IRS1: variants seen among roughly 807,000 people sequenced by gnomAD.
The protein encoded by IRS1 is insulin receptor substrate 1.
Under a neutral mutation model 65.6 loss-of-function variants are expected in IRS1, and 34 were observed. The ratio of observed to expected loss-of-function variants is 0.52; its 90% CI spans 0.39 to 0.69. IRS1 has a LOEUF of 0.69. IRS1 is among the 30% of genes least tolerant of loss of function. The probability of loss-of-function intolerance (pLI) is 0.00; values close to 1 mark genes in which losing one functional copy is unlikely to be tolerated. For synonymous variants in IRS1, 699 were observed against 683.5 expected, an observed-to-expected ratio of 1.02 and a Z score of -0.35; for missense variants, 1,641 against 1,720.2, an observed-to-expected ratio of 0.95 and a Z score of 0.81.
intron 1 of IRS1, among the ~76,000 whole-genome samples, chr2:226,774,013 G>A (rs1263673423): frequency 6.6e-6 from 1 of 152,116 alleles, no homozygotes; most frequent in Non-Finnish European, 1.5e-5. Flanking sequence ...TATGATCCCA[G>A]AGATAATTCC....
chr2:226,780,618 A>T (rs1939361572), intron 1 of IRS1, among the ~76,000 whole-genome samples: 1 of 152,198 alleles, frequency 6.6e-6, no homozygotes, highest in South Asian at 2.1e-4. Flanking sequence ...AAATCTTGTC[A>T]AAACAAAGCA....
At chr2:226,772,904 A>G (rs1939191960) in intron 1 of IRS1, among the ~76,000 whole-genome samples, 1 of 152,200 alleles carries the variant, frequency 6.6e-6, no homozygotes, top group Non-Finnish European at 1.5e-5. Flanking sequence ...TTCCCAAAAT[A>G]GCATCTTCTG....
At chr2:226,743,525 C>T (rs1366835196) in intron 1 of IRS1, among the ~76,000 whole-genome samples, 1 of 152,192 alleles carries the variant, frequency 6.6e-6, no homozygotes, top group Non-Finnish European at 1.5e-5. Context: ...CCATCGTGCT[C>T]AGCCAGGAAG....
At chr2:226,777,502 T>A (rs1276659069) in intron 1 of IRS1, among the ~76,000 whole-genome samples, 1 of 152,200 alleles carries the variant, frequency 6.6e-6, no homozygotes, top group Non-Finnish European at 1.5e-5. Context: ...AGTTAGATGA[T>A]GGAAAATTTC....
intron 1 of IRS1, among the ~76,000 whole-genome samples, chr2:226,787,347 C>A (rs142051864): frequency 6.6e-6 from 1 of 152,230 alleles, no homozygotes; most frequent in African/African-American, 2.4e-5. Flanking sequence ...AAATACAAAC[C>A]TTTAAGCTAG....
chr2:226,799,365 T>TTGCTGCTGCTGC lies in IRS1; in HGVS notation c.-639_-628dup. On this transcript the variant is annotated 5_prime_UTR_variant, in exon 1 of 2. Coordinates refer to ENST00000305123, the MANE Select transcript of IRS1 (RefSeq NM_005544.3). The surrounding 1 kb of genome is among the most constrained non-coding windows in gnomAD (Gnocchi z 6.1). ...GACCGCGGCGCTGCGGCTGTTGCTG[T>TTGCTGCTGCTGC]TGCTGCTGCTGCTGCTGCTGCTGCT... 4.0e-6 allele frequency: 5 copies of TTGCTGCTGCTGC among 1,239,802 alleles called. No individual in the cohort carries two copies. Among genetic ancestry groups the TTGCTGCTGCTGC allele is most frequent in the South Asian group, 2.8e-5 (2 of 71,478 alleles). 76.8% of individuals were successfully genotyped at this position (1,239,802 alleles called of 1,614,324 possible). A position where few individuals can be genotyped will look rare whatever the true frequency, so the allele number is the denominator to read the frequency against.
intron 1 of IRS1, among the ~76,000 whole-genome samples, chr2:226,759,297 G>A (rs16822615): frequency 0.079 from 11,988 of 152,268 alleles, 823 homozygotes; most frequent in African/African-American, 0.19. Context: ...AAAACGTTTA[G>A]TCTGGAGAAA....
intron 1 of IRS1, among the ~76,000 whole-genome samples, chr2:226,773,344 T>C (rs1202337548): frequency 3.3e-5 from 5 of 152,154 alleles, no homozygotes; most frequent in African/African-American, 1.2e-4. Flanking sequence ...CCCTTCACAG[T>C]CAACAAGTAC....
intron 1 of IRS1, among the ~76,000 whole-genome samples, chr2:226,753,914 G>A (rs1327506724): frequency 1.3e-5 from 2 of 152,168 alleles, no homozygotes; most frequent in African/African-American, 4.8e-5. Context: ...ATGCAGTGGT[G>A]TGATCACGGC....
rs762744077 is a variant in IRS1, at chr2:226,795,452, C to T, written c.3287G>A (p.Arg1096Gln). Residue 1096 changes from arginine to glutamine, a missense_variant, in exon 1 of 2, where the codon CGG becomes CAG. Around this residue, in one of 3 missense-constraint regions of IRS1, gnomAD observed 1,324 missense variants for 1,361.0 expected, o/e 0.97. Coordinates refer to ENST00000305123, the MANE Select transcript of IRS1 (RefSeq NM_005544.3). Reference protein sequence around the residue: ...KVIRADPQGCRRRHSSETFSS... With the variant: ...KVIRADPQGCQRRHSSETFSS... ...GAAAGTCTCGGAGCTATGCCTCCGCCGGCACCCTTGTGGGTCTGCACGGAT... is the reference window on the plus strand; with the variant it reads ...GAAAGTCTCGGAGCTATGCCTCCGCTGGCACCCTTGTGGGTCTGCACGGAT... 6 of 1,613,564 alleles carry T rather than the reference C, an allele frequency of 3.7e-6. No homozygotes were observed. Among genetic ancestry groups the T allele is most frequent in the Middle Eastern group, 1.6e-4 (1 of 6,062 alleles).
In IRS1 at chr2:226,766,163, A is replaced by ATTTT. The variant is rs5839180; in HGVS notation, c.*21+28822_*21+28825dup. ...TATATATATATATATATATATATAT[A>ATTTT]TTTTTTTTTTTTTTTTTTGAGACAG... On this transcript the variant is annotated intron_variant, in intron 1 of 1. Transcript: ENST00000305123. Among the ~76,000 whole-genome samples the ATTTT allele has an allele frequency of 1.1e-3, 5 of 4,596 alleles. 2 individuals carry two copies. The highest frequency in any genetic ancestry group is 2.4e-3 in the Non-Finnish European group (5 of 2,098). 3.0% of individuals were successfully genotyped at this position (4,596 alleles called of 152,430 possible).
At chr2:226,773,192 T>G (rs957793841) in intron 1 of IRS1, among the ~76,000 whole-genome samples, 1 of 152,188 alleles carries the variant, frequency 6.6e-6, no homozygotes, top group Non-Finnish European at 1.5e-5. Flanking sequence ...TTAGTATCAG[T>G]TTATAAAGGA....
At chr2:226,775,507 A>G (rs1939254379) in intron 1 of IRS1, among the ~76,000 whole-genome samples, 1 of 152,246 alleles carries the variant, frequency 6.6e-6, no homozygotes, top group African/African-American at 2.4e-5. Flanking sequence ...TGCTTGGCTT[A>G]GTACAGATAC....
chr2:226,751,265 C>G (rs1345127275), intron 1 of IRS1, among the ~76,000 whole-genome samples: 1 of 147,804 alleles, frequency 6.8e-6, no homozygotes, highest in Non-Finnish European at 1.5e-5. Context: ...TAAAAGACTC[C>G]ACACGGGTAT....
chr2:226,736,037 A>T lies in IRS1; in HGVS notation c.*235T>A, dbSNP rs1439418235. ...TGCAGACTCATTATTCTGGTGTCAC[A>T]GTGCATTTTTTTTTTTCGCTTGGCA... On this transcript the variant is annotated 3_prime_UTR_variant, in exon 2 of 2. Transcript: ENST00000305123. 3 of 150,604 alleles carry T rather than the reference A, an allele frequency of 2.0e-5. No individual in the cohort carries two copies. The highest frequency in any genetic ancestry group is 4.4e-5 in the Non-Finnish European group (3 of 67,956). The allele number at this position is 150,604 out of a possible 1,614,324, so 9.3% of individuals were successfully genotyped here.
At chr2:226,786,193 G>A (rs1010714297) in intron 1 of IRS1, among the ~76,000 whole-genome samples, 46 of 150,638 alleles carry the variant, frequency 3.1e-4, no homozygotes, top group African/African-American at 1.7e-4. Flanking sequence ...GAATAGTGCC[G>A]CAGTAAACAT....
At chr2:226,774,306 G>A (rs770606716) in intron 1 of IRS1, among the ~76,000 whole-genome samples, 2 of 152,214 alleles carry the variant, frequency 1.3e-5, no homozygotes, top group Non-Finnish European at 2.9e-5. Flanking sequence ...CTTCAAGGAA[G>A]AGGGCTTAAA....
intron 1 of IRS1, among the ~76,000 whole-genome samples, chr2:226,756,355 C>T (rs1328915273): frequency 1.3e-5 from 2 of 152,174 alleles, no homozygotes; most frequent in African/African-American, 4.8e-5. Flanking sequence ...GAATCACCAT[C>T]TCTCAAAAAT....
At chr2:226,765,503 C>T (rs73083628) in intron 1 of IRS1, among the ~76,000 whole-genome samples, 13,880 of 152,138 alleles carry the variant, frequency 0.091, 1,219 homozygotes, top group African/African-American at 0.23. Context: ...GCCAACTTAT[C>T]TGGGTTTCCT....
Sources: gnomAD v4.1 joint callset for allele counts (sites outside exome capture counted in the v4.1 genomes callset) on GRCh38, gnomAD v4.1.1 for gene constraint, gnomAD v4.1.1 regional missense constraint, Gnocchi (gnomAD v3.1) non-coding constraint, MANE v1.5 for transcripts, NCBI Gene and HGNC (gene_info 2026-07-23, HGNC 2026-07-21) for gene names.